SNTG1: variants seen among roughly 807,000 people sequenced by gnomAD.
SNTG1 encodes gamma-1-syntrophin.
SNTG1 carries 39 observed loss-of-function variants against 74.7 expected under a neutral mutation model. The ratio of observed to expected loss-of-function variants is 0.52; its 90% CI spans 0.40 to 0.68. The LOEUF (loss-of-function observed/expected upper bound fraction) is 0.68. Ranked by LOEUF, SNTG1 falls within the 30% of genes least tolerant of loss-of-function variation. SNTG1 has a pLI of 0.00. For missense variants in SNTG1, 685 were observed against 609.5 expected (o/e 1.12, Z -1.30); for synonymous variants, 254 against 217.1 (o/e 1.17, Z -1.49).
At chr8:50,535,441 G>C (rs2094300829) in intron 10 of SNTG1, among the ~76,000 whole-genome samples, 1 of 152,130 alleles carries the variant, frequency 6.6e-6, no homozygotes, top group Admixed American at 6.6e-5. Context: ...GAGGCCAGGA[G>C]AAAGAGTAAT....
At chr8:50,350,013 C>T (rs552062943) in intron 2 of SNTG1, among the ~76,000 whole-genome samples, 57 of 152,316 alleles carry the variant, frequency 3.7e-4, no homozygotes, top group African/African-American at 1.1e-3. Context: ...ACACTCAGAG[C>T]GGCCAGCCAG....
intron 2 of SNTG1, among the ~76,000 whole-genome samples, chr8:50,316,091 T>G (rs2130782953): frequency 6.6e-6 from 1 of 152,308 alleles, no homozygotes; most frequent in African/African-American, 2.4e-5. Flanking sequence ...TTAACATCAT[T>G]ATTCTTTCAT....
intron 9 of SNTG1, among the ~76,000 whole-genome samples, chr8:50,514,107 T>A (rs552771562): frequency 2.6e-5 from 4 of 152,352 alleles, no homozygotes; most frequent in Admixed American, 2.6e-4. Context: ...TACTTTTTTT[T>A]ATTAGCCTAG....
intron 1 of SNTG1, among the ~76,000 whole-genome samples, chr8:50,115,693 C>CTG (rs2080795708): frequency 1.3e-5 from 2 of 151,328 alleles, no homozygotes; most frequent in South Asian, 4.2e-4. Flanking sequence ...TTGTCGTGCT[C>CTG]TGTGTGTGTG....
chr8:50,235,373 T>C (rs2132091683), intron 2 of SNTG1, among the ~76,000 whole-genome samples: 1 of 152,296 alleles, frequency 6.6e-6, no homozygotes, highest in East Asian at 1.9e-4. Flanking sequence ...GATTTCACTC[T>C]TGTGGGACCC....
chr8:50,553,054 A>G lies in SNTG1; in HGVS notation c.685A>G (p.Asn229Asp). 6.2e-7 allele frequency: 1 copy of G among 1,613,820 alleles called. No individual in the cohort carries two copies. The highest frequency in any genetic ancestry group is 8.5e-7 in the Non-Finnish European group (1 of 1,179,778). The change falls in exon 12 of 19, where the codon AAT (asparagine) becomes GAT (aspartate). Residue 229 changes from asparagine to aspartate, a missense_variant. Coordinates refer to ENST00000642720, the MANE Select transcript of SNTG1 (RefSeq NM_018967.5). ...YVPGTDLSRQ[N>D]AFQVIAVDGV... ...ATTTGTTCTGAACATCTGCAGGCAG[A>G]ATGCCTTTCAAGTCATTGCTGTGGA...
At chr8:49,978,908 G>T (rs1014090086) in intron 1 of SNTG1, among the ~76,000 whole-genome samples, 1 of 152,168 alleles carries the variant, frequency 6.6e-6, no homozygotes, top group South Asian at 2.1e-4. Flanking sequence ...CCTGACCCTA[G>T]ACGTCAGTGT....
intron 13 of SNTG1, among the ~76,000 whole-genome samples, chr8:50,629,823 G>A (rs1215597409): frequency 1.3e-5 from 2 of 152,050 alleles, no homozygotes; most frequent in African/African-American, 2.4e-5. Context: ...AATGCTGTAT[G>A]GTAGTTGATA....
At chr8:50,780,495 G>T (rs974054499) in intron 18 of SNTG1, among the ~76,000 whole-genome samples, 11 of 152,152 alleles carry the variant, frequency 7.2e-5, no homozygotes, top group South Asian at 2.1e-4. Flanking sequence ...TTGCATAGAG[G>T]TGTTTGTAGT....
chr8:50,694,374 TA>T (rs1454334715), intron 15 of SNTG1, among the ~76,000 whole-genome samples: 1 of 151,894 alleles, frequency 6.6e-6, no homozygotes, highest in African/African-American at 2.4e-5. Context: ...TACAACCTAC[TA>T]AGAGTAAATG....
chr8:50,447,863 G>A lies in SNTG1; in HGVS notation c.220-1805G>A, dbSNP rs530770280. Among the ~76,000 whole-genome samples the A allele has an allele frequency of 2.0e-5, 3 of 152,274 alleles. No homozygotes were observed. In the South Asian group the frequency reaches 6.2e-4, roughly 32 times the overall value. ...GAGTTCTAACTCATAAATATTAAGG[G>A]TCTTAGAAGGGATTAGTCCTAATCT... On this transcript the variant is annotated intron_variant, in intron 5 of 18. Coordinates refer to ENST00000642720, the MANE Select transcript of SNTG1 (RefSeq NM_018967.5).
intron 1 of SNTG1, among the ~76,000 whole-genome samples, chr8:50,082,466 T>G (rs1822498961): frequency 6.6e-6 from 1 of 152,236 alleles, no homozygotes; most frequent in Non-Finnish European, 1.5e-5. Context: ...TCTTTCTTCC[T>G]GAAATATGTG....
intron 2 of SNTG1, among the ~76,000 whole-genome samples, chr8:50,375,626 C>T (rs758200309): frequency 5.3e-5 from 8 of 152,160 alleles, no homozygotes; most frequent in Non-Finnish European, 7.4e-5. Flanking sequence ...ATATTATTCC[C>T]ATGTAAAAGG....
At chr8:50,489,255 T>C (rs749029329) in intron 8 of SNTG1, among the ~76,000 whole-genome samples, 1 of 152,256 alleles carries the variant, frequency 6.6e-6, no homozygotes, top group Non-Finnish European at 1.5e-5. Context: ...TGTGTCTTTA[T>C]AATAGAATGA....
chr8:50,439,716 CT>C (rs60899125), intron 5 of SNTG1, among the ~76,000 whole-genome samples: 1,113 of 102,034 alleles, frequency 0.011, 1 homozygote, highest in Non-Finnish European at 0.016. Context: ...TTTTGTTTTG[CT>C]TTTTTTTTTT....
chr8:50,638,946 A>G (rs1186933734), intron 13 of SNTG1, among the ~76,000 whole-genome samples: 2 of 152,112 alleles, frequency 1.3e-5, no homozygotes, highest in Non-Finnish European at 1.5e-5. Flanking sequence ...TTACTTTACA[A>G]TGGTTAGCAA....
chr8:50,400,647 T>A (rs1176804695), intron 3 of SNTG1, among the ~76,000 whole-genome samples: 1 of 152,210 alleles, frequency 6.6e-6, no homozygotes, highest in Non-Finnish European at 1.5e-5. Flanking sequence ...TTTCTCCACA[T>A]CTTCACCAGC....
intron 13 of SNTG1, among the ~76,000 whole-genome samples, chr8:50,652,186 G>A (rs1266806441): frequency 6.6e-6 from 1 of 152,086 alleles, no homozygotes; most frequent in Non-Finnish European, 1.5e-5. Flanking sequence ...CATGTCATTT[G>A]AATGGCAAAA....
At chr8:49,940,401 G>A (rs1390654656) in intron 1 of SNTG1, among the ~76,000 whole-genome samples, 2 of 152,178 alleles carry the variant, frequency 1.3e-5, no homozygotes, top group Non-Finnish European at 2.9e-5. Context: ...CTGTCTCAGT[G>A]AAAAGGGGAA....
Sources: gnomAD v4.1 joint callset for allele counts (sites outside exome capture counted in the v4.1 genomes callset) on GRCh38, gnomAD v4.1.1 for gene constraint, MANE v1.5 for transcripts, NCBI Gene and HGNC (gene_info 2026-07-23, HGNC 2026-07-21) for gene names.